GLYATL1: variants seen among roughly 807,000 people sequenced by gnomAD.
GLYATL1 encodes the protein glycine N-acyltransferase-like protein 1.
In GLYATL1, 15 loss-of-function variants were observed where a neutral mutation model predicts 20.0. That is an observed-to-expected ratio of 0.75 (90% confidence interval 0.50 to 1.15). The LOEUF (loss-of-function observed/expected upper bound fraction) is 1.15. GLYATL1 is among the 50% of genes most tolerant of loss of function. The pLI is 0.00. For synonymous variants in GLYATL1, 151 were observed against 131.5 expected (o/e 1.15, Z -1.01); for missense variants, 380 against 368.5 (o/e 1.03, Z -0.26).
chr11:58,954,631 TA>T (rs1357366541), intron 4 of GLYATL1, 138 bp from the exon 5 acceptor site: 1 of 681,488 alleles, frequency 1.5e-6, no homozygotes, highest in Admixed American at 2.8e-5. Context: ...TAGGTTTTAT[TA>T]TCGATGTGCC....
intron 1 of GLYATL1, among the ~76,000 whole-genome samples, chr11:58,920,028 G>A (rs1263264922): frequency 6.6e-6 from 1 of 152,096 alleles, no homozygotes; most frequent in Admixed American, 6.5e-5. Flanking sequence ...TGTAGCTTGG[G>A]GTCTCCGGGA....
At chr11:58,936,699 T>C (rs145025656), upstream of GLYATL1, among the ~76,000 whole-genome samples, 67 of 152,352 alleles carry the variant, frequency 4.4e-4, no homozygotes, top group African/African-American at 1.5e-3. Context: ...ATTTGTAGTA[T>C]AGCCAAAGTT....
chr11:58,942,794 G>A lies in GLYATL1; in HGVS notation c.-166-749G>A, dbSNP rs79635333. 3.6e-3 allele frequency among the ~76,000 whole-genome samples: 547 copies of A among 152,222 alleles called. 1 individual carries two copies. The highest frequency in any genetic ancestry group is 0.013 in the African/African-American group (525 of 41,540). On this transcript the variant is annotated intron_variant, in intron 1 of 6. Transcript: ENST00000532726. Reference sequence around the variant, plus strand: ...AGCTATGGGACCAGATGGGATCACCGGGAACTCTGAAGTGATCCAAAATTA... The same window carrying A: ...AGCTATGGGACCAGATGGGATCACCAGGAACTCTGAAGTGATCCAAAATTA...
chr11:58,913,126 G>A (rs1031285701), downstream of GLYATL1, among the ~76,000 whole-genome samples: 8 of 152,158 alleles, frequency 5.3e-5, no homozygotes, highest in Non-Finnish European at 1.2e-4. Context: ...AGGAGATGGG[G>A]CAGAGGGAGG....
At chr11:58,941,973 C>T (rs578610) in intron 1 of GLYATL1, among the ~76,000 whole-genome samples, 49,394 of 152,060 alleles carry the variant, frequency 0.32, 8,549 homozygotes, top group Non-Finnish European at 0.39. Context: ...AACTGTGAAG[C>T]ATATAAAAGT....
rs1012889919 is a variant in GLYATL1 at position 58,955,914 on chromosome 11, G to A, written c.796G>A (p.Val266Met). 1.9e-6 allele frequency: 3 copies of A among 1,614,092 alleles called. No individual in the cohort carries two copies. The highest frequency in any genetic ancestry group is 1.6e-4 in the Middle Eastern group (1 of 6,084). ...GAAGAATATTCCATTTTACATCTCTGTGTTGGAAGAAAATGAAGACTCCCG... is the reference window on the plus strand; with the variant it reads ...GAAGAATATTCCATTTTACATCTCTATGTTGGAAGAAAATGAAGACTCCCG... ...RQKNIPFYIS[V>M]LEENEDSRRF... Residue 266 changes from valine (V) to methionine (M), a missense_variant, in exon 7 of 7, where the codon GTG becomes ATG. Transcript: ENST00000532726.
upstream of GLYATL1, among the ~76,000 whole-genome samples, chr11:58,938,703 A>G (rs1855948061): frequency 6.6e-6 from 1 of 152,142 alleles, no homozygotes; most frequent in Non-Finnish European, 1.5e-5. Flanking sequence ...CTAGAGAGTA[A>G]CCACTCTGTC....
intron 2 of GLYATL1, among the ~76,000 whole-genome samples, chr11:58,944,789 A>C (rs916262831): frequency 6.6e-6 from 1 of 152,202 alleles, no homozygotes; most frequent in South Asian, 2.1e-4. Context: ...ACAAATTTAT[A>C]ATTTCTCTTT....
chr11:58,948,081 A>G, intron 4 of GLYATL1, 116 bp downstream of exon 4: 1 of 705,550 alleles, frequency 1.4e-6, no homozygotes, highest in Admixed American at 2.0e-5. Flanking sequence ...AGTATTTTAA[A>G]ACACTCCTTC....
intron 1 of GLYATL1, among the ~76,000 whole-genome samples, chr11:58,941,327 G>A (rs1856133458): frequency 6.6e-6 from 1 of 151,516 alleles, no homozygotes; most frequent in Non-Finnish European, 1.5e-5. Context: ...TACTGAGAAT[G>A]ATGATTTCTA....
intron 1 of GLYATL1, among the ~76,000 whole-genome samples, chr11:58,916,764 G>T (rs548229816): frequency 6.6e-6 from 1 of 152,126 alleles, no homozygotes; most frequent in Non-Finnish European, 1.5e-5. Flanking sequence ...AGAAAGAATT[G>T]GTAAAAAGGT....
exon 1 of GLYATL1, chr11:58,905,562 C>T (rs1022104335): frequency 2.2e-6 from 1 of 456,192 alleles, no homozygotes; most frequent in African/African-American, 2.0e-5. Flanking sequence ...ATCTCCCATA[C>T]CCACCCGGCT....
intron 1 of GLYATL1, among the ~76,000 whole-genome samples, chr11:58,922,077 T>G (rs994461387): frequency 1.3e-5 from 2 of 152,180 alleles, no homozygotes; most frequent in Non-Finnish European, 2.9e-5. Flanking sequence ...GCTCTGTGGG[T>G]GCTGAAACTG....
chr11:58,905,751 C>CT, intron 1 of GLYATL1: 1 of 13,934 alleles, frequency 7.2e-5, no homozygotes. Context: ...GGAGGGTGGG[C>CT]GGGTGGGCGC....
At chr11:58,913,653 G>C (rs887114077) in intron 1 of GLYATL1, among the ~76,000 whole-genome samples, 1 of 152,160 alleles carries the variant, frequency 6.6e-6, no homozygotes, top group Non-Finnish European at 1.5e-5. Flanking sequence ...AAAATAAATT[G>C]TGTGTGTGTG....
intron 1 of GLYATL1, among the ~76,000 whole-genome samples, chr11:58,942,177 A>T (rs2135183794): frequency 6.6e-6 from 1 of 152,346 alleles, no homozygotes; most frequent in East Asian, 1.9e-4. Flanking sequence ...ATGTGTGTTG[A>T]AGCCAAGGAA....
intron 1 of GLYATL1, among the ~76,000 whole-genome samples, chr11:58,921,137 G>T (rs1855299157): frequency 1.3e-5 from 2 of 152,172 alleles, no homozygotes; most frequent in South Asian, 4.2e-4. Context: ...TCATATAATG[G>T]CTTAGGCATG....
chr11:58,921,372 T>C (rs1168865271), intron 1 of GLYATL1, among the ~76,000 whole-genome samples: 2 of 152,146 alleles, frequency 1.3e-5, no homozygotes, highest in East Asian at 1.9e-4. Flanking sequence ...CAACTAGTAA[T>C]ATGACCATAC....
rs1377240234 is a variant in GLYATL1 at position 58,954,873 on chromosome 11, G to T, written c.290G>T (p.Trp97Leu). The T allele has an allele frequency of 6.2e-7, 1 of 1,611,566 alleles. No individual in the cohort carries two copies. The highest frequency in any genetic ancestry group is 8.5e-7 in the Non-Finnish European group (1 of 1,179,342). ...TTGAAAAATTGTGAGATCGTAAACTGGAAACAGAGACTCCAAATCCAAGGT... is the reference window on the plus strand; with the variant it reads ...TTGAAAAATTGTGAGATCGTAAACTTGAAACAGAGACTCCAAATCCAAGGT... ...EVLKNCEIVN[W>L]KQRLQIQGLQ... The change falls in exon 5 of 7, where the codon TGG (tryptophan) becomes TTG (leucine). Residue 97 changes from tryptophan to leucine, a missense_variant. By Grantham distance (61) the Trp-to-Leu change is moderately conservative (BLOSUM62 -2). Coordinates refer to ENST00000532726, the MANE Select transcript of GLYATL1 (RefSeq NM_001389712.2).
Sources: gnomAD v4.1 joint callset for allele counts (sites outside exome capture counted in the v4.1 genomes callset) on GRCh38, gnomAD v4.1.1 for gene constraint, MANE v1.5 for transcripts, NCBI Gene and HGNC (gene_info 2026-07-23, HGNC 2026-07-21) for gene names.